CDH2: variants seen among roughly 807,000 people sequenced by gnomAD.
The protein encoded by CDH2 is cadherin-2.
A neutral mutation model predicts 92.0 loss-of-function variants in CDH2; 17 were observed. That is an observed-to-expected ratio of 0.18 (90% CI 0.13 to 0.28). The LOEUF is 0.28. CDH2 is among the 10% of genes least tolerant of loss of function. The pLI is 1.00. For missense variants in CDH2, 862 were observed against 1,133.1 expected (o/e 0.76, Z 3.44); for synonymous variants, 419 against 415.9 (o/e 1.01, Z -0.09).
chr18:28,088,005 A>G (rs2014967245), intron 2 of CDH2, among the ~76,000 whole-genome samples: 1 of 152,176 alleles, frequency 6.6e-6, no homozygotes, highest in South Asian at 2.1e-4. Context: ...AAGCTCCTCA[A>G]TAGATACACT....
intron 14 of CDH2, among the ~76,000 whole-genome samples, chr18:27,975,021 A>C (rs1444439954): frequency 6.6e-6 from 1 of 152,112 alleles, no homozygotes. Flanking sequence ...ACCCCAATGA[A>C]CCAGGTGTCA....
At chr18:27,999,815 A>T (rs961933590) in intron 7 of CDH2, among the ~76,000 whole-genome samples, 1 of 151,834 alleles carries the variant, frequency 6.6e-6, no homozygotes, top group African/African-American at 2.4e-5. Flanking sequence ...TGTAATCCTC[A>T]TAATACCCAT....
intron 1 of CDH2, among the ~76,000 whole-genome samples, chr18:28,164,251 A>G (rs1044595772): frequency 7.2e-5 from 11 of 152,326 alleles, no homozygotes; most frequent in Admixed American, 3.3e-4. Flanking sequence ...TTTAAACCCC[A>G]GCTCCAACAT....
rs17853638 is a variant in CDH2 at position 27,985,124 on chromosome 18, G to T, written c.2085C>A (p.Ile695=). 1 of 1,613,660 alleles carries T rather than the reference G, an allele frequency of 6.2e-7. No individual in the cohort carries two copies. Among genetic ancestry groups the T allele is most frequent in the African/African-American group, 1.3e-5 (1 of 75,018 alleles). The change falls in exon 13 of 16, where the codon ATC becomes ATA. Residue 695 remains isoleucine (I), a synonymous_variant. Coordinates refer to ENST00000269141, the MANE Select transcript of CDH2 (RefSeq NM_001792.5). The part of the protein sequence containing the change: ...SGNPPKSNIS[I]LRVKVCQCDS... Reference sequence around the variant, plus strand: ...CACACTGGCAAACCTTCACACGCAGGATGGAAATATTTGATTTGGGAGGAT... The same window carrying T: ...CACACTGGCAAACCTTCACACGCAGTATGGAAATATTTGATTTGGGAGGAT...
chr18:28,047,868 CAAAAAAAAAAAA>C (rs149752979), intron 2 of CDH2, among the ~76,000 whole-genome samples: 1 of 46,950 alleles, frequency 2.1e-5, no homozygotes, highest in African/African-American at 9.1e-5. Context: ...GACTCCATCT[CAAAAAAAAAAAA>C]AAAAAAAAAA....
chr18:28,004,654 A>G (rs1167057681), intron 6 of CDH2, among the ~76,000 whole-genome samples: 5 of 152,224 alleles, frequency 3.3e-5, no homozygotes, highest in Admixed American at 2.6e-4. Context: ...CAGTCCCAAA[A>G]GCCCAATGTT....
At chr18:28,158,261 G>A (rs1301379355) in intron 1 of CDH2, among the ~76,000 whole-genome samples, 2 of 152,152 alleles carry the variant, frequency 1.3e-5, no homozygotes, top group Non-Finnish European at 2.9e-5. Flanking sequence ...GAGGCATAAC[G>A]CCAGAGTTCA....
chr18:28,042,757 T>C (rs1432864848), intron 2 of CDH2, among the ~76,000 whole-genome samples: 12 of 152,140 alleles, frequency 7.9e-5, no homozygotes, highest in Non-Finnish European at 1.6e-4. Context: ...TTCCTTCTGT[T>C]TGAAGTCTAT....
At chr18:28,003,443 G>A (rs1187062745) in intron 6 of CDH2, among the ~76,000 whole-genome samples, 1 of 152,046 alleles carries the variant, frequency 6.6e-6, no homozygotes, top group African/African-American at 2.4e-5. Flanking sequence ...TTCACTTTAT[G>A]ATTCCAAAAA....
chr18:28,161,994 C>G (rs897370449), intron 1 of CDH2, among the ~76,000 whole-genome samples: 2 of 152,146 alleles, frequency 1.3e-5, no homozygotes, highest in African/African-American at 2.4e-5. Flanking sequence ...CCAAGGGTAA[C>G]TAAATCTGAG....
intron 14 of CDH2, among the ~76,000 whole-genome samples, chr18:27,978,689 G>A (rs2143934701): frequency 6.6e-6 from 1 of 151,954 alleles, no homozygotes; most frequent in East Asian, 1.9e-4. Flanking sequence ...GGGTCTCTGT[G>A]GCCCAGACTC....
At chr18:28,170,378 C>T (rs1284565768) in intron 1 of CDH2, among the ~76,000 whole-genome samples, 1 of 152,110 alleles carries the variant, frequency 6.6e-6, no homozygotes, top group Non-Finnish European at 1.5e-5. Flanking sequence ...TGGAGTCTCG[C>T]TCTGTTGCCC....
intron 2 of CDH2, among the ~76,000 whole-genome samples, chr18:28,085,659 T>C (rs1432841576): frequency 6.6e-6 from 1 of 152,124 alleles, no homozygotes; most frequent in African/African-American, 2.4e-5. Context: ...ACTGACATTG[T>C]CATGTCCATA....
intron 1 of CDH2, among the ~76,000 whole-genome samples, chr18:28,154,141 A>C (rs937696394): frequency 1.3e-5 from 2 of 152,248 alleles, no homozygotes; most frequent in African/African-American, 4.8e-5. Flanking sequence ...CCAATAGCTT[A>C]GCAACAACAA....
intron 2 of CDH2, among the ~76,000 whole-genome samples, chr18:28,122,159 T>A (rs1262295506): frequency 6.6e-6 from 1 of 152,138 alleles, no homozygotes; most frequent in Admixed American, 6.6e-5. Flanking sequence ...ATTGGCTTCA[T>A]CTAATTTATA....
intron 2 of CDH2, among the ~76,000 whole-genome samples, chr18:28,069,308 G>T (rs772836500): frequency 6.6e-6 from 1 of 152,084 alleles, no homozygotes; most frequent in Non-Finnish European, 1.5e-5. Flanking sequence ...ATCTAAAAAG[G>T]TCTATATGAT....
At chr18:28,126,882 G>C (rs1430305499) in intron 2 of CDH2, among the ~76,000 whole-genome samples, 1 of 152,162 alleles carries the variant, frequency 6.6e-6, no homozygotes, top group Non-Finnish European at 1.5e-5. Flanking sequence ...AACATGAAAA[G>C]ATATGACAAT....
chr18:28,163,640 T>C (rs529791123), intron 1 of CDH2, among the ~76,000 whole-genome samples: 19 of 152,182 alleles, frequency 1.2e-4, no homozygotes, highest in Non-Finnish European at 2.1e-4. Context: ...AATAAGTAAA[T>C]TGTACCATAT....
At chr18:28,169,804 C>T (rs1306093058) in intron 1 of CDH2, among the ~76,000 whole-genome samples, 3 of 152,198 alleles carry the variant, frequency 2.0e-5, no homozygotes, top group Non-Finnish European at 4.4e-5. Context: ...AAGCACTATA[C>T]AACTAATTCT....
Sources: gnomAD v4.1 joint callset for allele counts (sites outside exome capture counted in the v4.1 genomes callset) on GRCh38, gnomAD v4.1.1 for gene constraint, MANE v1.5 for transcripts, NCBI Gene and HGNC (gene_info 2026-07-23, HGNC 2026-07-21) for gene names.